NUP155: variants seen among roughly 807,000 people sequenced by gnomAD.
NUP155 encodes the protein nuclear pore complex protein Nup155.
A neutral mutation model predicts 180.4 loss-of-function variants in NUP155; 71 were observed. The observed-to-expected ratio is 0.39, with a 90% CI of 0.33 to 0.48. The LOEUF (loss-of-function observed/expected upper bound fraction) is 0.48. Ranked by LOEUF, NUP155 falls within the 20% of genes least tolerant of loss-of-function variation. The pLI, the probability that NUP155 is intolerant of heterozygous loss-of-function variation, is 0.91. For synonymous variants in NUP155, 582 were observed against 559.5 expected (o/e 1.04, Z -0.57); for missense variants, 1,553 against 1,648.9 (o/e 0.94, Z 1.01).
chr5:37,347,605 A>C (rs557818440), intron 9 of NUP155, among the ~76,000 whole-genome samples: 16 of 151,838 alleles, frequency 1.1e-4, no homozygotes, highest in African/African-American at 3.9e-4. Context: ...CTACGGCAGG[A>C]GAATCACTTG....
chr5:37,368,809 T>C (rs1192667512), intron 1 of NUP155, among the ~76,000 whole-genome samples: 1 of 151,694 alleles, frequency 6.6e-6, no homozygotes, highest in Admixed American at 6.6e-5. Context: ...TAAGACTCTG[T>C]CTCAAAAAAT....
intron 25 of NUP155, among the ~76,000 whole-genome samples, chr5:37,306,815 T>C (rs1421709865): frequency 2.2e-4 from 34 of 152,074 alleles, no homozygotes; most frequent in Admixed American, 2.2e-3. Context: ...TCAACAAATT[T>C]GGGAATACTT....
At chr5:37,320,821 A>G (rs1744196444) in intron 20 of NUP155, among the ~76,000 whole-genome samples, 1 of 152,210 alleles carries the variant, frequency 6.6e-6, no homozygotes, top group Non-Finnish European at 1.5e-5. Context: ...AGGGAGAGGG[A>G]TGGCAGTAGA....
chr5:37,367,387 G>GT (rs1313278854), intron 1 of NUP155, among the ~76,000 whole-genome samples: 1 of 151,530 alleles, frequency 6.6e-6, no homozygotes, highest in Non-Finnish European at 1.5e-5. Context: ...GCTAATTTTT[G>GT]TATTTTTAGT....
At chr5:37,362,010 G>T (rs1305166115) in intron 3 of NUP155, among the ~76,000 whole-genome samples, 1 of 152,170 alleles carries the variant, frequency 6.6e-6, no homozygotes, top group African/African-American at 2.4e-5. Flanking sequence ...AGCCATCTAT[G>T]AACATTGAAG....
chr5:37,341,180 T>C lies in NUP155; in HGVS notation c.1156A>G (p.Thr386Ala). The C allele has an allele frequency of 6.2e-7, 1 of 1,613,990 alleles. No individual in the cohort carries two copies. The highest frequency in any genetic ancestry group is 8.5e-7 in the Non-Finnish European group (1 of 1,179,862). ...RQPLARPNTL[T>A]LVHVRLPPGF... ...GGAGGTAAGCGGACATGAACCAGCG[T>C]CAGTGTATTAGGCCGTGCTAATGGC... Residue 386 changes from threonine to alanine, a missense_variant, in exon 11 of 35, where the codon ACG becomes GCG. By Grantham distance (58) the Thr-to-Ala change is moderately conservative. Transcript: ENST00000231498.
In NUP155 at chr5:37,291,189, T is replaced by G. The variant is rs903444473; in HGVS notation, c.*711A>C. Reference sequence around the variant, plus strand: ...TGAAAAAGTCAGTTATTTGCCTATTTAAGGACGGTTTTAGAATCCACTATT... The same window carrying G: ...TGAAAAAGTCAGTTATTTGCCTATTGAAGGACGGTTTTAGAATCCACTATT... On this transcript the variant is annotated 3_prime_UTR_variant, in exon 35 of 35. Coordinates refer to ENST00000231498, the MANE Select transcript of NUP155 (RefSeq NM_153485.3). 3.9e-5 allele frequency: 6 copies of G among 152,230 alleles called. No homozygotes were observed. Among genetic ancestry groups the G allele is most frequent in the African/African-American group, 1.4e-4 (6 of 41,464 alleles). The allele number at this position is 152,230 out of a possible 1,614,324, so 9.4% of individuals were successfully genotyped here.
chr5:37,322,468 G>A (rs1744307013), intron 20 of NUP155, among the ~76,000 whole-genome samples: 1 of 152,138 alleles, frequency 6.6e-6, no homozygotes. Context: ...AGCACTTTGG[G>A]AGGCCGAGGC....
In NUP155 at chr5:37,312,560, C is replaced by T. The variant is rs115623442; in HGVS notation, c.2436+1638G>A. Among the ~76,000 whole-genome samples, 526 of 152,256 alleles carry T rather than the reference C, an allele frequency of 3.5e-3. 3 individuals are homozygous for T. Among genetic ancestry groups the T allele is most frequent in the African/African-American group, 0.012 (508 of 41,570 alleles). On this transcript the variant is annotated intron_variant, in intron 22 of 34. Transcript: ENST00000231498. ...CTGTTTAGATCCTGATTTGAATGAACCAATCTGTAAAAAGACATTTTTAAG... is the reference window on the plus strand; with the variant it reads ...CTGTTTAGATCCTGATTTGAATGAATCAATCTGTAAAAAGACATTTTTAAG...
In NUP155 at chr5:37,304,764, A is replaced by T; in HGVS notation, c.3137T>A (p.Val1046Asp). The change falls in exon 27 of 35, where the codon GTC becomes GAC. Residue 1046 changes from valine (V) to aspartate (D), a missense_variant. Coordinates refer to ENST00000231498, the MANE Select transcript of NUP155 (RefSeq NM_153485.3). ...CTGTAGCAGCTTATCTGCAAGGTCGACTTGTATTAGCCAATTATAAAGGGC... is the reference window on the plus strand; with the variant it reads ...CTGTAGCAGCTTATCTGCAAGGTCGTCTTGTATTAGCCAATTATAAAGGGC... ...SIALYNWLIQ[V>D]DLADKLLQVA... 6.2e-7 allele frequency: 1 copy of T among 1,612,956 alleles called. No homozygotes were observed. Among genetic ancestry groups the T allele is most frequent in the Non-Finnish European group, 8.5e-7 (1 of 1,179,024 alleles).
At position 37,358,084 on chromosome 5, in the gene NUP155, C is replaced by T. The variant is rs1746963152; in HGVS notation, c.460G>A (p.Ala154Thr). The stretch of plus-strand genomic sequence containing the variant: ...TCCTTATAGTTTTATTTCTTACCTG[C>T]TTTTGGCTTCACAAGCCCCACAGCA... ...ILAVGLVKPKAGIFQPHVRHL... is the reference protein window; with the variant it reads ...ILAVGLVKPKTGIFQPHVRHL... The change falls in exon 4 of 35, where the codon GCA becomes ACA. Residue 154 changes from alanine (A) to threonine (T), a missense_variant. Ala to Thr is a moderately conservative substitution (Grantham distance 58). Transcript: ENST00000231498. 6.2e-7 allele frequency: 1 copy of T among 1,607,272 alleles called. No homozygotes were observed. Among genetic ancestry groups the T allele is most frequent in the Non-Finnish European group, 8.5e-7 (1 of 1,173,858 alleles).
chr5:37,366,192 C>T (rs999043947), intron 1 of NUP155, among the ~76,000 whole-genome samples: 11 of 152,136 alleles, frequency 7.2e-5, no homozygotes, highest in African/African-American at 1.4e-4. Context: ...CCCTTGCTCC[C>T]GGACAAGGCG....
intron 27 of NUP155, among the ~76,000 whole-genome samples, chr5:37,303,811 C>A (rs1242418891): frequency 6.7e-6 from 1 of 149,978 alleles, no homozygotes; most frequent in Non-Finnish European, 1.5e-5. Context: ...TGTGGTGGTG[C>A]GGGCCTATAG....
chr5:37,327,919 T>G (rs1389347610), intron 17 of NUP155, 143 bp from the exon 18 acceptor site: 4 of 841,916 alleles, frequency 4.8e-6, no homozygotes, highest in Non-Finnish European at 7.6e-6. Context: ...TTTGTGTATC[T>G]AGACACAAAG....
Position 37,327,824 on chromosome 5 carries a change from C to G in NUP155, c.1877-48G>C, listed in dbSNP as rs757918044. The G allele has an allele frequency of 1.4e-5, 22 of 1,585,582 alleles. 2 individuals carry two copies. The South Asian group carries it at 2.4e-4, about 18-fold the overall frequency. ...AAATCTCTTAATCTTAATCTTAGAA[C>G]CCATAAATCTCTTAATCTTAATCTT... On this transcript the variant is annotated intron_variant, in intron 17 of 34. Transcript: ENST00000231498.
intron 25 of NUP155, among the ~76,000 whole-genome samples, chr5:37,305,461 T>A (rs1219163326): frequency 2.0e-5 from 3 of 152,026 alleles, no homozygotes; most frequent in Non-Finnish European, 4.4e-5. Flanking sequence ...GCAGGGGGAC[T>A]GCCAGAGGTC....
intron 3 of NUP155, among the ~76,000 whole-genome samples, chr5:37,361,323 A>C (rs190756034): frequency 2.3e-3 from 342 of 151,814 alleles, no homozygotes; most frequent in African/African-American, 7.9e-3. Context: ...GAGAGAGAGA[A>C]ATAAAGATAA....
At chr5:37,295,906 C>A (rs1742524783) in intron 32 of NUP155, among the ~76,000 whole-genome samples, 1 of 149,196 alleles carries the variant, frequency 6.7e-6, no homozygotes, top group Non-Finnish European at 1.5e-5. Context: ...TGGCCAGCCG[C>A]CCCGTCCGGG....
chr5:37,370,989 T>A lies in NUP155; in HGVS notation c.-12A>T. On this transcript the variant is annotated 5_prime_UTR_variant, in exon 1 of 35. Coordinates refer to ENST00000231498, the MANE Select transcript of NUP155 (RefSeq NM_153485.3). ...AAAGAAGACGGCATCTCGGAAATCG[T>A]AGACACCAGGGTCCAGAAAAAGTCA... 6.2e-7 allele frequency: 1 copy of A among 1,613,316 alleles called. No homozygotes were observed. Among genetic ancestry groups the A allele is most frequent in the Non-Finnish European group, 8.5e-7 (1 of 1,179,774 alleles).
Sources: gnomAD v4.1 joint callset for allele counts (sites outside exome capture counted in the v4.1 genomes callset) on GRCh38, gnomAD v4.1.1 for gene constraint, MANE v1.5 for transcripts, NCBI Gene and HGNC (gene_info 2026-07-23, HGNC 2026-07-21) for gene names.